AFAP1: variants seen among roughly 807,000 people sequenced by gnomAD.
The protein encoded by AFAP1 is actin filament-associated protein 1.
A neutral mutation model predicts 93.9 loss-of-function variants in AFAP1; 75 were observed. The ratio of observed to expected loss-of-function variants is 0.80; its 90% CI spans 0.66 to 0.97. The LOEUF (loss-of-function observed/expected upper bound fraction) is 0.97. Ranked by LOEUF, AFAP1 falls within the 50% of genes least tolerant of loss-of-function variation. The pLI, the probability that AFAP1 is intolerant of heterozygous loss-of-function variation, is 0.00. For synonymous variants in AFAP1, 517 were observed against 430.7 expected (o/e 1.20, Z -2.48); for missense variants, 1,201 against 1,050.8 (o/e 1.14, Z -1.98).
chr4:7,795,405 CTTTTTTTTTTTTTTTTTTTTTTTT>C (rs35550085), intron 10 of AFAP1, among the ~76,000 whole-genome samples: 12 of 62,102 alleles, frequency 1.9e-4, no homozygotes, highest in African/African-American at 8.5e-4. Context: ...AAAACAAAAT[CTTTTTTTTTTTTTTTTTTTTTTTT>C]TTTTTTTTTT....
chr4:7,926,019 T>C (rs917673008), intron 1 of AFAP1, among the ~76,000 whole-genome samples: 2 of 152,134 alleles, frequency 1.3e-5, no homozygotes, highest in Non-Finnish European at 2.9e-5. Context: ...CAGCTGTGAG[T>C]TCCTACTGCC....
chr4:7,791,680 C>T (rs533853209), intron 11 of AFAP1, among the ~76,000 whole-genome samples: 2 of 147,754 alleles, frequency 1.4e-5, no homozygotes, highest in South Asian at 2.2e-4. Context: ...AATAAGACCC[C>T]GTCTCTACCA....
chr4:7,815,692 A>G (rs751465452), intron 8 of AFAP1, among the ~76,000 whole-genome samples: 1 of 152,202 alleles, frequency 6.6e-6, no homozygotes, highest in Non-Finnish European at 1.5e-5. Context: ...CTGCTCACCA[A>G]TGCAAATTTG....
At chr4:7,850,396 C>G (rs1006683239) in intron 4 of AFAP1, among the ~76,000 whole-genome samples, 3 of 152,188 alleles carry the variant, frequency 2.0e-5, no homozygotes, top group African/African-American at 7.2e-5. Context: ...CCCATAACAT[C>G]AGAAATGCCA....
At chr4:7,805,322 G>A (rs2149041324) in intron 9 of AFAP1, among the ~76,000 whole-genome samples, 1 of 152,286 alleles carries the variant, frequency 6.6e-6, no homozygotes, top group South Asian at 2.1e-4. Context: ...ATTTCAGCTG[G>A]AAGGGACCCT....
At chr4:7,781,697 G>A (rs1560154016) in intron 12 of AFAP1, 70 bp from the exon 13 acceptor site, 2 of 1,525,054 alleles carry the variant, frequency 1.3e-6, no homozygotes, top group Non-Finnish European at 1.8e-6. Flanking sequence ...ACAGTGAGAT[G>A]TCATTTATTA....
Position 7,939,395 on chromosome 4 carries a change from C to G in AFAP1, c.-3+261G>C. ...GGGGCACCGGGCAGGAGCCAGCGCC[C>G]GGGTCCACGCAGTCCCCTCCGGGCA... On this transcript the variant is annotated intron_variant, in intron 1 of 17. Transcript: ENST00000420658. The surrounding 1 kb of genome is among the most constrained non-coding windows in gnomAD (Gnocchi z 5.6). 1 of 317,920 alleles carries G rather than the reference C, an allele frequency of 3.1e-6. No homozygotes were observed. Among genetic ancestry groups the G allele is most frequent in the Non-Finnish European group, 6.3e-6 (1 of 159,410 alleles). 19.7% of individuals were successfully genotyped at this position (317,920 alleles called of 1,614,324 possible).
chr4:7,855,704 A>C, intron 3 of AFAP1, 130 bp from the exon 4 acceptor site: 1 of 760,898 alleles, frequency 1.3e-6, no homozygotes, highest in Non-Finnish European at 2.2e-6. Flanking sequence ...AGAGAACCTC[A>C]TCCTACGAAG....
chr4:7,881,766 G>C (rs1399453207), intron 1 of AFAP1, among the ~76,000 whole-genome samples: 3 of 148,976 alleles, frequency 2.0e-5, no homozygotes, highest in Non-Finnish European at 4.5e-5. Flanking sequence ...GGGCGACAGA[G>C]TGAGACTCCA....
intron 9 of AFAP1, among the ~76,000 whole-genome samples, chr4:7,803,195 G>A (rs888135337): frequency 1.3e-5 from 2 of 152,330 alleles, no homozygotes; most frequent in Non-Finnish European, 1.5e-5. Context: ...GGAAGGCAAG[G>A]AGTCCCCTCA....
chr4:7,936,394 T>C (rs1721381288), intron 1 of AFAP1, among the ~76,000 whole-genome samples: 1 of 150,746 alleles, frequency 6.6e-6, no homozygotes, highest in Non-Finnish European at 1.5e-5. Context: ...AGCATGATTA[T>C]AGCTCACTGC....
At chr4:7,936,083 C>T (rs1274322931) in intron 1 of AFAP1, among the ~76,000 whole-genome samples, 3 of 152,088 alleles carry the variant, frequency 2.0e-5, no homozygotes, top group Non-Finnish European at 2.9e-5. Flanking sequence ...ATTAAGAATG[C>T]AAATCAAAAT....
rs114935151 is a variant in AFAP1, at chr4:7,817,169, G to A, written c.823-1070C>T. Among the ~76,000 whole-genome samples, 1,264 of 152,224 alleles carry A rather than the reference G, an allele frequency of 8.3e-3. 18 individuals carry two copies. The highest frequency in any genetic ancestry group is 0.029 in the African/African-American group (1,203 of 41,532). Reference sequence around the variant, plus strand: ...AGCAATTTGATTTTCAACATGAATCGAGATCTTAAAAAAGAAAAAGAGGTC... The same window carrying A: ...AGCAATTTGATTTTCAACATGAATCAAGATCTTAAAAAAGAAAAAGAGGTC... On this transcript the variant is annotated intron_variant, in intron 7 of 17. Coordinates refer to ENST00000420658, the MANE Select transcript of AFAP1 (RefSeq NM_001134647.2).
In AFAP1 at chr4:7,781,471, T is replaced by G. The variant is rs1322916162; in HGVS notation, c.1687A>C (p.Lys563Gln). 6.4e-7 allele frequency: 1 copy of G among 1,552,068 alleles called. No individual in the cohort carries two copies. The highest frequency in any genetic ancestry group is 2.4e-5 in the East Asian group (1 of 40,918). ...DRKASRLSAD[K>Q]LSSNHYKYPA... Reference sequence around the variant, plus strand: ...TATTTGTAATGGTTAGAGGACAGCTTGTCAGCAGACAGCCTAGAGGCCTTT... The same window carrying G: ...TATTTGTAATGGTTAGAGGACAGCTGGTCAGCAGACAGCCTAGAGGCCTTT... The change falls in exon 13 of 18, where the codon AAG becomes CAG. Residue 563 changes from lysine (K) to glutamine (Q), a missense_variant. Physicochemically the swap from Lys to Gln is moderately conservative, Grantham distance 53. Coordinates refer to ENST00000420658, the MANE Select transcript of AFAP1 (RefSeq NM_001134647.2).
intron 4 of AFAP1, among the ~76,000 whole-genome samples, chr4:7,847,793 C>CGGGGGGGGGGGGG (rs10685949): frequency 9.8e-6 from 1 of 102,004 alleles, no homozygotes; most frequent in African/African-American, 3.5e-5. Flanking sequence ...CAGGGGTACT[C>CGGGGGGGGGGGGG]GGGGTGGGGC....
chr4:7,904,528 G>C (rs143840028), intron 1 of AFAP1, among the ~76,000 whole-genome samples: 122 of 152,120 alleles, frequency 8.0e-4, no homozygotes, highest in African/African-American at 2.9e-3. Context: ...GTTTTATCTC[G>C]TCTAGTTCTC....
At chr4:7,850,937 C>T (rs1015573664) in intron 4 of AFAP1, among the ~76,000 whole-genome samples, 9 of 152,196 alleles carry the variant, frequency 5.9e-5, no homozygotes, top group African/African-American at 2.2e-4. Context: ...ACCAGGTGCT[C>T]AGGCCACAGC....
chr4:7,775,087 GCTGTGATCCTGCCA>G lies in AFAP1; in HGVS notation c.1898-198_1898-185del, dbSNP rs1306894957. 5 of 655,196 alleles carry G rather than the reference GCTGTGATCCTGCCA, an allele frequency of 7.6e-6. No individual in the cohort carries two copies. In the East Asian group the frequency reaches 8.6e-5, roughly 11 times the overall value. The allele number at this position is 655,196 out of a possible 1,614,324, so 40.6% of individuals were successfully genotyped here. On this transcript the variant is annotated intron_variant, in intron 14 of 17. Transcript: ENST00000420658. ...GCTTGGGAGCTTGAGGCTGCAGTGA[GCTGTGATCCTGCCA>G]CTGTGCTCCAGCCTGGATGACAGTG...
At chr4:7,780,097 T>C (rs1390681992) in intron 13 of AFAP1, among the ~76,000 whole-genome samples, 2 of 152,122 alleles carry the variant, frequency 1.3e-5, no homozygotes, top group Non-Finnish European at 2.9e-5. Context: ...AAAAGACATG[T>C]AGAAACATAG....
Sources: allele counts gnomAD v4.1 joint callset (sites outside exome capture counted in the v4.1 genomes callset), GRCh38; gene constraint gnomAD v4.1.1; non-coding constraint Gnocchi (gnomAD v3.1); transcripts MANE v1.5; gene names NCBI Gene and HGNC (gene_info 2026-07-23, HGNC 2026-07-21).